Variants in ABI2 observed in about 807,000 individuals in gnomAD.
ABI2 encodes the protein abl interactor 2.
ABI2 carries 25 observed loss-of-function variants against 59.2 expected under a neutral mutation model. The observed-to-expected ratio is 0.42, with a 90% CI of 0.31 to 0.59. The LOEUF is 0.59. Ranked by LOEUF, ABI2 falls within the 20% of genes least tolerant of loss-of-function variation. ABI2 has a pLI of 0.14. For synonymous variants in ABI2, 213 were observed against 235.5 expected (o/e 0.90, Z 0.87); for missense variants, 545 against 681.8 (o/e 0.80, Z 2.23).
rs1479996060 is a variant in ABI2, at chr2:203,411,546, AATAGT to A, written c.1279+177_1279+181del. On this transcript the variant is annotated intron_variant, in intron 10 of 11. Transcript: ENST00000261018. Reference sequence around the variant, plus strand: ...AGAAATTTTCTACTTTTAAATAACTAATAGTAAAGACATAAGACAAATACATATAA... The same window carrying A: ...AGAAATTTTCTACTTTTAAATAACTAAAAGACATAAGACAAATACATATAA... 3.3e-5 allele frequency among the ~76,000 whole-genome samples: 5 copies of A among 152,338 alleles called. No homozygotes were observed. The East Asian group carries it at 9.6e-4, about 29-fold the overall frequency.
intron 9 of ABI2, among the ~76,000 whole-genome samples, chr2:203,408,862 C>T (rs1303086259): frequency 9.4e-4 from 28 of 29,802 alleles, no homozygotes; most frequent in Admixed American, 2.5e-3. Flanking sequence ...GACGGAGTCT[C>T]GCTCTGTCGC....
At chr2:203,426,243 A>G (rs974727755) in intron 11 of ABI2, among the ~76,000 whole-genome samples, 8 of 152,200 alleles carry the variant, frequency 5.3e-5, no homozygotes, top group East Asian at 1.9e-4. Context: ...TCTTGGAACA[A>G]TGGATAGGTG....
chr2:203,399,020 G>T (rs2097115401), intron 8 of ABI2, among the ~76,000 whole-genome samples: 1 of 151,884 alleles, frequency 6.6e-6, no homozygotes, highest in Non-Finnish European at 1.5e-5. Context: ...TACATACAGG[G>T]TTTTTTTTGT....
At chr2:203,335,728 T>A (rs1293283794) in intron 1 of ABI2, among the ~76,000 whole-genome samples, 1 of 152,232 alleles carries the variant, frequency 6.6e-6, no homozygotes, top group South Asian at 2.1e-4. Flanking sequence ...TCTTAAGTAA[T>A]ATACTTTGTA....
rs1409069076 is a variant in ABI2, at chr2:203,416,967, C to T, written c.1339C>T (p.Pro447Ser). The T allele has an allele frequency of 1.2e-6, 2 of 1,614,110 alleles. No individual in the cohort carries two copies. Among genetic ancestry groups the T allele is most frequent in the South Asian group, 1.1e-5 (1 of 91,060 alleles). The change falls in exon 11 of 12, where the codon CCA (proline) becomes TCA (serine). Residue 447 changes from proline (P) to serine (S), a missense_variant. By Grantham distance (74) the Pro-to-Ser change is moderately conservative. Transcript: ENST00000261018. ...AGAACCAGTCTTTGATGAGTCTCCC[C>T]CACCTCCTCCTCCTCCAGAAGATTA... is the stretch of plus-strand genomic sequence containing the variant. The part of the protein sequence containing the change: ...VEEPVFDESP[P>S]PPPPPEDYEE...
At chr2:203,401,394 A>G (rs1355394124) in intron 8 of ABI2, among the ~76,000 whole-genome samples, 4 of 151,628 alleles carry the variant, frequency 2.6e-5, no homozygotes, top group African/African-American at 4.9e-5. Context: ...CTTGTCTGCT[A>G]TTGTGCTCTC....
intron 1 of ABI2, among the ~76,000 whole-genome samples, chr2:203,344,909 A>G (rs1221498596): frequency 6.6e-6 from 1 of 152,158 alleles, no homozygotes; most frequent in African/African-American, 2.4e-5. Context: ...GTAAAAACGA[A>G]CCAATCAGCG....
chr2:203,402,877 T>A, intron 9 of ABI2, 143 bp downstream of exon 9: 1 of 545,820 alleles, frequency 1.8e-6, no homozygotes, highest in East Asian at 3.4e-5. Context: ...GAATTGTAGG[T>A]TGTTAATACT....
intron 9 of ABI2, among the ~76,000 whole-genome samples, chr2:203,409,889 A>G (rs185394627): frequency 1.2e-4 from 19 of 152,330 alleles, no homozygotes; most frequent in Middle Eastern, 3.4e-3. Context: ...GTGACCTGAA[A>G]ATCCAACCTC....
At chr2:203,370,176 C>A (rs1278105013) in intron 2 of ABI2, among the ~76,000 whole-genome samples, 61 of 145,768 alleles carry the variant, frequency 4.2e-4, no homozygotes, top group African/African-American at 1.5e-3. Flanking sequence ...CGTATGGTGT[C>A]ATTCTCCTAT....
intron 1 of ABI2, chr2:203,351,620 T>G: frequency 2.3e-6 from 1 of 435,806 alleles, no homozygotes; most frequent in South Asian, 1.6e-5. Context: ...ACTGCAGCCT[T>G]GAACTCCTGT....
At chr2:203,405,826 A>G (rs1377003585) in intron 9 of ABI2, among the ~76,000 whole-genome samples, 1 of 152,144 alleles carries the variant, frequency 6.6e-6, no homozygotes, top group Non-Finnish European at 1.5e-5. Context: ...TGAGGTGTAA[A>G]TCTAGCAGTG....
intron 7 of ABI2, 135 bp from the exon 8 acceptor site, chr2:203,396,650 T>C (rs915655481): frequency 3.5e-5 from 33 of 931,424 alleles, no homozygotes; most frequent in Middle Eastern, 3.5e-4. Flanking sequence ...ATAAGTTTTA[T>C]TCTTTTTTTC....
chr2:203,368,172 G>C (rs961939154), intron 2 of ABI2, among the ~76,000 whole-genome samples: 1 of 152,058 alleles, frequency 6.6e-6, no homozygotes, highest in East Asian at 1.9e-4. Flanking sequence ...GCGTGTATAT[G>C]TTGTACCTTT....
chr2:203,336,344 C>T (rs1316186767), intron 1 of ABI2, among the ~76,000 whole-genome samples: 1 of 152,204 alleles, frequency 6.6e-6, no homozygotes, highest in Non-Finnish European at 1.5e-5. Context: ...ACCCTGGTAA[C>T]AGTGGATGTA....
At chr2:203,331,477 G>T (rs1486937053) in intron 1 of ABI2, among the ~76,000 whole-genome samples, 1 of 146,842 alleles carries the variant, frequency 6.8e-6, no homozygotes, top group Non-Finnish European at 1.5e-5. Context: ...TTCTGCCTCA[G>T]CCTTCCAAGT....
chr2:203,348,496 A>T (rs141348252), intron 1 of ABI2, among the ~76,000 whole-genome samples: 72 of 152,264 alleles, frequency 4.7e-4, no homozygotes, highest in African/African-American at 1.7e-3. Context: ...ATGGTCAGTT[A>T]TATGTTATAT....
chr2:203,338,449 A>T (rs2077441395), intron 1 of ABI2, among the ~76,000 whole-genome samples: 1 of 152,032 alleles, frequency 6.6e-6, no homozygotes, highest in African/African-American at 2.4e-5. Flanking sequence ...CTTTAGTGAT[A>T]AGTGAGTTCT....
chr2:203,350,842 CTTTG>C (rs1377175731), intron 1 of ABI2, among the ~76,000 whole-genome samples: 5 of 147,284 alleles, frequency 3.4e-5, no homozygotes, highest in Admixed American at 6.9e-5. Context: ...CCGGCCTTTT[CTTTG>C]TTTTTGTTGT....
Sources: allele counts gnomAD v4.1 joint callset (sites outside exome capture counted in the v4.1 genomes callset), GRCh38; gene constraint gnomAD v4.1.1; transcripts MANE v1.5; gene names NCBI Gene and HGNC (gene_info 2026-07-23, HGNC 2026-07-21).